NFU1: variants seen among roughly 807,000 people sequenced by gnomAD.
The protein encoded by NFU1 is NFU1 iron-sulfur cluster scaffold.
In NFU1, 30 loss-of-function variants were observed where a neutral mutation model predicts 32.2. The observed-to-expected ratio is 0.93, with a 90% CI of 0.70 to 1.26. The LOEUF is 1.26. NFU1 is among the 50% of genes most tolerant of loss of function. NFU1 has a pLI of 0.00. For synonymous variants in NFU1, 112 were observed against 104.6 expected (o/e 1.07, Z -0.43); for missense variants, 306 against 306.6 (o/e 1.00, Z 0.02).
At chr2:69,423,529 G>A in intron 3 of NFU1, 53 bp downstream of exon 3, 2 of 1,551,106 alleles carry the variant, frequency 1.3e-6, no homozygotes, top group Non-Finnish European at 1.8e-6. Flanking sequence ...TAACCCCAAA[G>A]TCAGTTAGTT....
intron 1 of NFU1, among the ~76,000 whole-genome samples, chr2:69,433,659 A>G (rs1004752739): frequency 6.6e-6 from 1 of 152,114 alleles, no homozygotes. Context: ...TATTTTTAGT[A>G]GAGACAGGGT....
At chr2:69,423,447 AAAG>A in intron 3 of NFU1, 132 bp downstream of exon 3, 1 of 786,662 alleles carries the variant, frequency 1.3e-6, no homozygotes, top group African/African-American at 1.8e-5. Context: ...TCTCATCTGA[AAAG>A]AAATTATTTT....
chr2:69,405,698 C>A (rs1672672464), intron 6 of NFU1, among the ~76,000 whole-genome samples: 1 of 152,146 alleles, frequency 6.6e-6, no homozygotes, highest in South Asian at 2.1e-4. Context: ...CTCATTCTCT[C>A]TTCACAACCT....
chr2:69,405,435 G>A (rs970916667), intron 6 of NFU1, among the ~76,000 whole-genome samples: 1 of 152,168 alleles, frequency 6.6e-6, no homozygotes, highest in Non-Finnish European at 1.5e-5. Flanking sequence ...CCCTAGCTAT[G>A]TAGCAAGGAA....
At chr2:69,412,480 A>G (rs74847504) in intron 5 of NFU1, among the ~76,000 whole-genome samples, 99,585 of 151,304 alleles carry the variant, frequency 0.66, 33,996 homozygotes, top group African/African-American at 0.86. Flanking sequence ...TCCGCCTCCC[A>G]GATTCAAGCA....
chr2:69,438,647 G>A (rs563653333), upstream of NFU1, among the ~76,000 whole-genome samples: 1 of 152,218 alleles, frequency 6.6e-6, no homozygotes, highest in African/African-American at 2.4e-5. Context: ...CTGGTTTCCA[G>A]AATGGAAACA....
intron 5 of NFU1, among the ~76,000 whole-genome samples, chr2:69,408,115 TC>T (rs1241331407): frequency 1.3e-5 from 2 of 152,042 alleles, no homozygotes; most frequent in Admixed American, 1.3e-4. Context: ...AAATTCTACT[TC>T]CCCACCATCC....
upstream of NFU1, among the ~76,000 whole-genome samples, chr2:69,438,021 A>G (rs866394399): frequency 1.3e-5 from 2 of 152,158 alleles, no homozygotes; most frequent in Non-Finnish European, 2.9e-5. Flanking sequence ...AGACTTGACT[A>G]GTTTCCAGGG....
At chr2:69,435,094 A>C (rs950243739) in intron 1 of NFU1, among the ~76,000 whole-genome samples, 1 of 152,242 alleles carries the variant, frequency 6.6e-6, no homozygotes, top group Non-Finnish European at 1.5e-5. Flanking sequence ...GTAATCATTT[A>C]CATCTACACC....
intron 2 of NFU1, 150 bp downstream of exon 2, chr2:69,431,752 A>G (rs1673645412): frequency 1.2e-5 from 8 of 643,428 alleles, no homozygotes; most frequent in East Asian, 2.7e-5. Flanking sequence ...TTAGAAGCCT[A>G]TAAGAAAAAT....
At chr2:69,405,660 T>C (rs1672671418) in intron 6 of NFU1, among the ~76,000 whole-genome samples, 1 of 152,234 alleles carries the variant, frequency 6.6e-6, no homozygotes, top group Admixed American at 6.5e-5. Flanking sequence ...ACATTTATTC[T>C]GTATGGGCAA....
In NFU1 at chr2:69,400,424, C is replaced by A. The variant is rs1052565721; in HGVS notation, c.660G>T (p.Leu220=). The A allele has an allele frequency of 6.2e-7, 1 of 1,614,106 alleles. No individual in the cohort carries two copies. The highest frequency in any genetic ancestry group is 8.5e-7 in the Non-Finnish European group (1 of 1,180,008). ...GCAGCATGTTCTGAATTCCATTTTT[C>A]AGAGTAATGATTGAACTAGGGCAGC... ...CTSCPSSIIT[L]KNGIQNMLQF... Residue 220 remains leucine, a synonymous_variant, in exon 7 of 8, where the codon CTG becomes CTT. Transcript: ENST00000410022.
intron 7 of NFU1, 92 bp downstream of exon 7, chr2:69,400,272 A>G (rs1672476985): frequency 1.7e-6 from 2 of 1,190,722 alleles, no homozygotes; most frequent in Admixed American, 1.8e-5. Context: ...TTCTTTTCAA[A>G]TACTTGCCTT....
At chr2:69,439,190 C>T (rs1437095747), upstream of NFU1, among the ~76,000 whole-genome samples, 1 of 152,152 alleles carries the variant, frequency 6.6e-6, no homozygotes, top group East Asian at 1.9e-4. Flanking sequence ...TGAAACGAGG[C>T]TTCTATGTCC....
At chr2:69,437,588 A>G (rs73934936), upstream of NFU1, 3,906 of 816,656 alleles carry the variant, frequency 4.8e-3, 122 homozygotes, top group African/African-American at 0.056. Context: ...TTTGCAGGCT[A>G]CTGCGTCACC....
intron 2 of NFU1, chr2:69,429,960 C>A: frequency 3.3e-6 from 1 of 305,936 alleles, no homozygotes; most frequent in South Asian, 2.5e-5. Flanking sequence ...GCCCAGGAGG[C>A]GGAGGTTACA....
chr2:69,437,718 T>C (rs1673907285), upstream of NFU1: 1 of 527,766 alleles, frequency 1.9e-6, no homozygotes. Flanking sequence ...GGTTTTTAGC[T>C]GGTGCTGGTG....
At chr2:69,416,158 C>A (rs1013802214) in intron 4 of NFU1, 2 of 151,254 alleles carry the variant, frequency 1.3e-5, no homozygotes, top group Non-Finnish European at 2.9e-5. Context: ...CCTATATACA[C>A]ACTATACCTA....
chr2:69,439,544 G>A (rs1306313495), upstream of NFU1, among the ~76,000 whole-genome samples: 3 of 152,180 alleles, frequency 2.0e-5, no homozygotes, highest in Non-Finnish European at 4.4e-5. Flanking sequence ...TTCATAACAT[G>A]GAAGGGGACC....
Sources: gnomAD v4.1 joint callset for allele counts (sites outside exome capture counted in the v4.1 genomes callset) on GRCh38, gnomAD v4.1.1 for gene constraint, MANE v1.5 for transcripts, NCBI Gene and HGNC (gene_info 2026-07-23, HGNC 2026-07-21) for gene names.